The following CCSER1 variants were observed in gnomAD, a reference collection of about 807,000 sequenced individuals.
CCSER1 encodes serine-rich coiled-coil domain-containing protein 1.
Under a neutral mutation model 82.0 loss-of-function variants are expected in CCSER1, and 41 were observed. That is an observed-to-expected ratio of 0.50 (90% CI 0.39 to 0.65). CCSER1 has a LOEUF of 0.65. Ranked by LOEUF, CCSER1 falls within the 30% of genes least tolerant of loss-of-function variation. CCSER1 has a pLI of 0.00. For missense variants in CCSER1, 1,119 were observed against 1,064.2 expected (o/e 1.05, Z -0.72); for synonymous variants, 414 against 383.9 (o/e 1.08, Z -0.92).
chr4:91,369,632 C>CAAGG (rs1749876629), intron 10 of CCSER1, among the ~76,000 whole-genome samples: 1 of 138,012 alleles, frequency 7.2e-6, no homozygotes. Flanking sequence ...AATACATTAA[C>CAAGG]AAGGTCCCAG....
chr4:90,440,875 G>C (rs761489042), intron 4 of CCSER1, among the ~76,000 whole-genome samples: 52 of 152,070 alleles, frequency 3.4e-4, no homozygotes, highest in Non-Finnish European at 2.4e-4. Flanking sequence ...TAAAATTTAA[G>C]TTCCTTAAAA....
chr4:91,220,653 CTCT>C (rs996103771), intron 10 of CCSER1, among the ~76,000 whole-genome samples: 2 of 152,022 alleles, frequency 1.3e-5, no homozygotes, highest in Non-Finnish European at 2.9e-5. Flanking sequence ...CAGTGTCTTT[CTCT>C]TTTTTTATTT....
At chr4:91,229,516 C>G (rs1738455988) in intron 10 of CCSER1, among the ~76,000 whole-genome samples, 1 of 152,082 alleles carries the variant, frequency 6.6e-6, no homozygotes, top group Non-Finnish European at 1.5e-5. Context: ...TCTCATTCTA[C>G]TGTAAAGACA....
Position 90,276,186 on chromosome 4 carries a change from T to TTTTC in CCSER1, c.-41-31993_-41-31990dup, listed in dbSNP as rs1158531206. Reference sequence around the variant, plus strand: ...TCTAGCAGGAAAGACTTGAACACTGTTTTCTTTCTTTCTTTCTTTCTTTCT... The same window carrying TTTTC: ...TCTAGCAGGAAAGACTTGAACACTGTTTTCTTTCTTTCTTTCTTTCTTTCTTTCT... On this transcript the variant is annotated intron_variant, in intron 1 of 10. Coordinates refer to ENST00000509176, the MANE Select transcript of CCSER1 (RefSeq NM_001145065.2). 4.1e-3 allele frequency among the ~76,000 whole-genome samples: 461 copies of TTTTC among 113,282 alleles called. 53 individuals are homozygous for TTTTC. Among genetic ancestry groups the TTTTC allele is most frequent in the Middle Eastern group, 4.3e-3 (1 of 232 alleles). 74.3% of individuals were successfully genotyped at this position (113,282 alleles called of 152,430 possible). A position where few individuals can be genotyped will look rare whatever the true frequency, so the allele number is the denominator to read the frequency against.
chr4:91,161,369 T>C (rs992576569), intron 10 of CCSER1, among the ~76,000 whole-genome samples: 3 of 152,184 alleles, frequency 2.0e-5, no homozygotes, highest in Admixed American at 2.0e-4. Flanking sequence ...TTGCTTAGGG[T>C]TGTCTTGGCA....
chr4:90,138,906 TGA>T (rs1724207315), intron 1 of CCSER1, among the ~76,000 whole-genome samples: 1 of 152,222 alleles, frequency 6.6e-6, no homozygotes, highest in Non-Finnish European at 1.5e-5. Context: ...TGAGGTCATG[TGA>T]GGCTGTCAGA....
intron 10 of CCSER1, among the ~76,000 whole-genome samples, chr4:91,468,586 A>G (rs985469358): frequency 3.9e-5 from 6 of 152,064 alleles, no homozygotes; most frequent in African/African-American, 1.4e-4. Flanking sequence ...AGCAATCACA[A>G]TGTTATGTTT....
rs957272869 is a variant in CCSER1 at position 90,289,789 on chromosome 4, T to C, written c.-41-18455T>C. Among the ~76,000 whole-genome samples, 20 of 152,000 alleles carry C rather than the reference T, an allele frequency of 1.3e-4. No homozygotes were observed. The East Asian group carries it at 2.1e-3, about 16-fold the overall frequency. ...AATAAAAATAATGACATTTATCCTT[T>C]GCTTCCCTTTATGTTGAGCAGAGGT... On this transcript the variant is annotated intron_variant, in intron 1 of 10. Transcript: ENST00000509176.
chr4:90,856,467 A>G (rs1902034), intron 8 of CCSER1, among the ~76,000 whole-genome samples: 9,823 of 152,230 alleles, frequency 0.065, 654 homozygotes, highest in African/African-American at 0.17. Context: ...AATTTCAAAA[A>G]CAAGTATGGG....
chr4:90,882,547 G>A (rs969450378), intron 8 of CCSER1, among the ~76,000 whole-genome samples: 2 of 152,036 alleles, frequency 1.3e-5, no homozygotes, highest in South Asian at 2.1e-4. Context: ...GAGTTAATAC[G>A]TGTGAAAATG....
intron 8 of CCSER1, among the ~76,000 whole-genome samples, chr4:90,825,023 C>G (rs992784791): frequency 1.3e-5 from 2 of 152,142 alleles, no homozygotes; most frequent in Non-Finnish European, 1.5e-5. Context: ...CCTCCAGTTT[C>G]TTACACACTC....
At chr4:91,097,003 G>A (rs1724575867) in intron 10 of CCSER1, among the ~76,000 whole-genome samples, 1 of 152,196 alleles carries the variant, frequency 6.6e-6, no homozygotes, top group African/African-American at 2.4e-5. Context: ...GAGTGGGCAA[G>A]TTTCAAAGAC....
At chr4:90,686,652 T>C (rs1040481445) in intron 6 of CCSER1, among the ~76,000 whole-genome samples, 5 of 152,098 alleles carry the variant, frequency 3.3e-5, no homozygotes, top group Non-Finnish European at 7.4e-5. Context: ...AATACCTAAC[T>C]GAAAGCTGCA....
chr4:90,724,599 G>T, intron 7 of CCSER1: 1 of 315,964 alleles, frequency 3.2e-6, no homozygotes, highest in South Asian at 2.7e-5. Flanking sequence ...TTAAGCCAAA[G>T]CTTGTAGATC....
intron 7 of CCSER1, among the ~76,000 whole-genome samples, chr4:90,735,146 A>T (rs893104711): frequency 3.3e-5 from 5 of 152,112 alleles, no homozygotes; most frequent in African/African-American, 1.2e-4. Flanking sequence ...TGTATGTTAA[A>T]CCAGGCTTGT....
chr4:91,045,249 A>T (rs1742347103), intron 9 of CCSER1, among the ~76,000 whole-genome samples: 1 of 152,224 alleles, frequency 6.6e-6, no homozygotes, highest in African/African-American at 2.4e-5. Context: ...TCTTGAATAA[A>T]TTTTAAAAAT....
intron 3 of CCSER1, among the ~76,000 whole-genome samples, chr4:90,392,843 A>G (rs192834735): frequency 1.3e-5 from 2 of 152,186 alleles, no homozygotes; most frequent in Non-Finnish European, 2.9e-5. Flanking sequence ...CAATTCTATC[A>G]TAAGGATTGA....
At chr4:91,576,364 CAG>C (rs1282667351) in intron 10 of CCSER1, among the ~76,000 whole-genome samples, 2 of 151,864 alleles carry the variant, frequency 1.3e-5, no homozygotes, top group African/African-American at 4.8e-5. Flanking sequence ...CTCATAAAAA[CAG>C]AGAGTAGAAT....
At chr4:90,953,414 C>G (rs1733120513) in intron 9 of CCSER1, among the ~76,000 whole-genome samples, 1 of 151,254 alleles carries the variant, frequency 6.6e-6, no homozygotes, top group Non-Finnish European at 1.5e-5. Context: ...ACTTTTCTTA[C>G]TAGCAATGTT....
Sources: allele counts gnomAD v4.1 joint callset (sites outside exome capture counted in the v4.1 genomes callset), GRCh38; gene constraint gnomAD v4.1.1; transcripts MANE v1.5; gene names NCBI Gene and HGNC (gene_info 2026-07-23, HGNC 2026-07-21).